Variants in TACR1 observed in about 807,000 individuals in gnomAD.
TACR1 encodes tachykinin receptor 1.
In TACR1, 25 loss-of-function variants were observed where a neutral mutation model predicts 35.8. The observed-to-expected ratio is 0.70, with a 90% CI of 0.51 to 0.98. The LOEUF (loss-of-function observed/expected upper bound fraction) is 0.98, where lower values mean the gene tolerates loss of function less well. TACR1 is among the 50% of genes least tolerant of loss of function. The pLI is 0.00. For missense variants in TACR1, 478 were observed against 522.9 expected (o/e 0.91, Z 0.84); for synonymous variants, 195 against 206.7 (o/e 0.94, Z 0.48).
chr2:75,147,384 C>T (rs1674535028), intron 1 of TACR1, among the ~76,000 whole-genome samples: 1 of 152,188 alleles, frequency 6.6e-6, no homozygotes, highest in South Asian at 2.1e-4. Flanking sequence ...TCCTTTCATC[C>T]TTTATCCATC....
At chr2:75,063,179 C>T (rs1217895991) in intron 2 of TACR1, among the ~76,000 whole-genome samples, 1 of 152,196 alleles carries the variant, frequency 6.6e-6, no homozygotes, top group African/African-American at 2.4e-5. Flanking sequence ...TTTCACAACA[C>T]GTGGGAATTC....
At chr2:75,101,021 A>T (rs1192698494) in intron 2 of TACR1, among the ~76,000 whole-genome samples, 1 of 152,118 alleles carries the variant, frequency 6.6e-6, no homozygotes, top group Non-Finnish European at 1.5e-5. Context: ...GACAACCATG[A>T]TGAAAAATGT....
At chr2:75,131,893 A>T (rs1365052692) in intron 1 of TACR1, among the ~76,000 whole-genome samples, 1 of 152,202 alleles carries the variant, frequency 6.6e-6, no homozygotes, top group Non-Finnish European at 1.5e-5. Flanking sequence ...GAAAATTGTA[A>T]ATCAAAATAT....
intron 1 of TACR1, among the ~76,000 whole-genome samples, chr2:75,180,713 C>T (rs1675540743): frequency 6.6e-6 from 1 of 152,138 alleles, no homozygotes; most frequent in Non-Finnish European, 1.5e-5. Context: ...CTGGTTGGCC[C>T]CAGGCATGTG....
At chr2:75,073,739 C>T (rs976077574) in intron 2 of TACR1, among the ~76,000 whole-genome samples, 23 of 152,168 alleles carry the variant, frequency 1.5e-4, no homozygotes, top group African/African-American at 2.9e-4. Context: ...TGCCATTTGC[C>T]GGGAAACTCA....
At chr2:75,050,132 G>C (rs889732342) in intron 4 of TACR1, among the ~76,000 whole-genome samples, 1 of 152,234 alleles carries the variant, frequency 6.6e-6, no homozygotes, top group East Asian at 1.9e-4. Flanking sequence ...CCTTCCCCTC[G>C]AGTAGCCTGT....
chr2:75,083,510 C>T (rs1470493438), intron 2 of TACR1, among the ~76,000 whole-genome samples: 1 of 152,110 alleles, frequency 6.6e-6, no homozygotes, highest in Non-Finnish European at 1.5e-5. Flanking sequence ...TATAAATTAC[C>T]TTGGGCAGTA....
At chr2:75,132,489 T>G (rs561765827) in intron 1 of TACR1, among the ~76,000 whole-genome samples, 2 of 152,258 alleles carry the variant, frequency 1.3e-5, no homozygotes, top group Admixed American at 1.3e-4. Flanking sequence ...TCTTTATAAT[T>G]TTTACTCACT....
chr2:75,172,044 A>C (rs530660614), intron 1 of TACR1, among the ~76,000 whole-genome samples: 1 of 152,202 alleles, frequency 6.6e-6, no homozygotes, highest in African/African-American at 2.4e-5. Context: ...CAGTATGAAA[A>C]TGGACTAATG....
At chr2:75,093,910 CTCTT>C (rs556769628) in intron 2 of TACR1, among the ~76,000 whole-genome samples, 16 of 152,158 alleles carry the variant, frequency 1.1e-4, no homozygotes, top group Non-Finnish European at 1.9e-4. Flanking sequence ...AAGAGGCTCT[CTCTT>C]TCTACATGTG....
At chr2:75,070,715 G>A (rs985210594) in intron 2 of TACR1, among the ~76,000 whole-genome samples, 1 of 152,204 alleles carries the variant, frequency 6.6e-6, no homozygotes, top group African/African-American at 2.4e-5. Context: ...GACATGTACT[G>A]CTATATCCTT....
chr2:75,097,294 A>G (rs1673442736), intron 2 of TACR1, among the ~76,000 whole-genome samples: 2 of 152,110 alleles, frequency 1.3e-5, no homozygotes, highest in Non-Finnish European at 1.5e-5. Context: ...ATGTTCTACA[A>G]TGAAGGAACT....
chr2:75,182,145 T>A (rs997898524), intron 1 of TACR1, among the ~76,000 whole-genome samples: 2 of 152,220 alleles, frequency 1.3e-5, no homozygotes, highest in Non-Finnish European at 2.9e-5. Context: ...GCCTCTCGCC[T>A]GTGTTTCAGA....
At chr2:75,105,755 G>T (rs999043253) in intron 2 of TACR1, among the ~76,000 whole-genome samples, 4 of 151,810 alleles carry the variant, frequency 2.6e-5, no homozygotes, top group African/African-American at 9.7e-5. Flanking sequence ...CTCTACCTCT[G>T]TTTTTTTCCC....
intron 1 of TACR1, chr2:75,188,565 A>G (rs1051248317): frequency 6.6e-6 from 1 of 152,250 alleles, no homozygotes; most frequent in African/African-American, 2.4e-5. Context: ...GAGTATCATT[A>G]CAGATTATTT....
At chr2:75,064,403 G>A (rs1201510470) in intron 2 of TACR1, among the ~76,000 whole-genome samples, 1 of 152,164 alleles carries the variant, frequency 6.6e-6, no homozygotes, top group Non-Finnish European at 1.5e-5. Flanking sequence ...ACGGTCTTTG[G>A]GTTGGCTGGG....
chr2:75,196,365 C>A (rs1675974623), intron 1 of TACR1, among the ~76,000 whole-genome samples: 1 of 152,126 alleles, frequency 6.6e-6, no homozygotes, highest in African/African-American at 2.4e-5. Context: ...ATAGAAGGAG[C>A]ACTTGGCAGA....
intron 2 of TACR1, among the ~76,000 whole-genome samples, chr2:75,103,168 CCTAGAGCCCAGGTGTTGG>C (rs1673572378): frequency 6.6e-6 from 1 of 152,068 alleles, no homozygotes; most frequent in Admixed American, 6.6e-5. Context: ...CAATAATATA[CCTAGAGCCCAGGTGTTGG>C]TTTCTAATAT....
chr2:75,123,029 G>T (rs886182398), intron 1 of TACR1, among the ~76,000 whole-genome samples: 6 of 152,198 alleles, frequency 3.9e-5, no homozygotes, highest in African/African-American at 1.4e-4. Flanking sequence ...GCCAACACAT[G>T]TGGGCCTGTT....
Sources: allele counts gnomAD v4.1 joint callset (sites outside exome capture counted in the v4.1 genomes callset), GRCh38; gene constraint gnomAD v4.1.1; transcripts MANE v1.5; gene names NCBI Gene and HGNC (gene_info 2026-07-23, HGNC 2026-07-21).